The following OPALIN variants were observed in gnomAD, a reference collection of about 807,000 sequenced individuals.
OPALIN encodes the protein transmembrane protein 10.
Under a neutral mutation model 17.8 loss-of-function variants are expected in OPALIN, and 15 were observed. That is an observed-to-expected ratio of 0.84 (90% CI 0.56 to 1.29). OPALIN has a LOEUF of 1.29. Among genes scored for constraint, OPALIN ranks in the 50% most tolerant of loss-of-function variants. The pLI is 0.00. For missense variants in OPALIN, 170 were observed against 176.0 expected (o/e 0.97, Z 0.19); for synonymous variants, 62 against 63.8 (o/e 0.97, Z 0.14).
At chr10:96,355,363 C>T (rs1287889996) in intron 1 of OPALIN, 73 bp from the exon 2 acceptor site, 2 of 1,401,476 alleles carry the variant, frequency 1.4e-6, no homozygotes, top group African/African-American at 1.4e-5. Flanking sequence ...CTCAAACTCA[C>T]TGACCCTGGT....
intron 2 of OPALIN, chr10:96,353,496 A>G: frequency 6.9e-7 from 1 of 1,457,844 alleles, no homozygotes; most frequent in Middle Eastern, 1.7e-4. Context: ...CTAAAAACAG[A>G]CAACACCAGG....
intron 2 of OPALIN, among the ~76,000 whole-genome samples, chr10:96,351,710 A>T (rs946637920): frequency 1.3e-5 from 2 of 152,218 alleles, no homozygotes; most frequent in Admixed American, 6.5e-5. Flanking sequence ...CCTAGTCAGC[A>T]CACCTGGCAC....
chr10:96,350,264 G>A (rs1845524016), intron 3 of OPALIN, among the ~76,000 whole-genome samples: 1 of 152,094 alleles, frequency 6.6e-6, no homozygotes, highest in Admixed American at 6.6e-5. Flanking sequence ...TGCCCAGGCT[G>A]GAGTGCAATG....
Position 96,347,753 on chromosome 10 carries a change from G to A in OPALIN, c.249+536C>T, listed in dbSNP as rs11813381. Among the ~76,000 whole-genome samples the A allele has an allele frequency of 5.5e-3, 838 of 152,286 alleles. 6 individuals carry two copies. Among genetic ancestry groups the A allele is most frequent in the African/African-American group, 0.018 (761 of 41,560 alleles). On this transcript the variant is annotated intron_variant, in intron 5 of 5. Transcript: ENST00000371172. Reference sequence around the variant, plus strand: ...CTCCCAAAATGCTGGGATTACAGGCGTGAGCCACTGCACCGGACCTATACT... The same window carrying A: ...CTCCCAAAATGCTGGGATTACAGGCATGAGCCACTGCACCGGACCTATACT...
intron 1 of OPALIN, 119 bp from the exon 2 acceptor site, chr10:96,355,409 C>A: frequency 3.6e-6 from 3 of 838,084 alleles, no homozygotes; most frequent in Non-Finnish European, 3.9e-6. Flanking sequence ...TAGACTCAGC[C>A]AGCCCCCATC....
rs1030843263 is a variant in OPALIN at position 96,344,166 on chromosome 10, T to C, written c.*1775A>G. The C allele has an allele frequency of 6.6e-6, 1 of 152,230 alleles. No homozygotes were observed. The highest frequency in any genetic ancestry group is 2.4e-5 in the African/African-American group (1 of 41,440). 9.4% of individuals were successfully genotyped at this position (152,230 alleles called of 1,614,324 possible). On this transcript the variant is annotated 3_prime_UTR_variant, in exon 6 of 6. Transcript: ENST00000371172. ...CAAGGACTTGGTTCTTTTCTCCAAGTAGACTTGGTTCTACTCCACAGAGTA... is the reference window on the plus strand; with the variant it reads ...CAAGGACTTGGTTCTTTTCTCCAAGCAGACTTGGTTCTACTCCACAGAGTA...
At chr10:96,347,081 C>T (rs1356801359) in intron 5 of OPALIN, among the ~76,000 whole-genome samples, 1 of 150,714 alleles carries the variant, frequency 6.6e-6, no homozygotes, top group East Asian at 2.0e-4. Context: ...TTTCTTTCTT[C>T]CTTTCTTTCT....
intron 5 of OPALIN, among the ~76,000 whole-genome samples, chr10:96,346,666 C>A (rs2134009778): frequency 6.6e-6 from 1 of 152,138 alleles, no homozygotes; most frequent in East Asian, 1.9e-4. Flanking sequence ...TTTAGAAGAA[C>A]CTCATTAAGT....
intron 4 of OPALIN, 53 bp downstream of exon 4, chr10:96,349,654 C>T: frequency 1.9e-6 from 3 of 1,578,662 alleles, no homozygotes; most frequent in Non-Finnish European, 2.6e-6. Context: ...AGCCAGTTCA[C>T]TGAAATACTG....
chr10:96,354,379 G>A lies in OPALIN; in HGVS notation c.39+876C>T, dbSNP rs574431167. Among the ~76,000 whole-genome samples the A allele has an allele frequency of 9.9e-5, 15 of 152,246 alleles. No homozygotes were observed. The South Asian group carries it at 2.7e-3, about 27-fold the overall frequency. On this transcript the variant is annotated intron_variant, in intron 2 of 5. Coordinates refer to ENST00000371172, the MANE Select transcript of OPALIN (RefSeq NM_033207.5). The stretch of plus-strand genomic sequence containing the variant: ...ATTCCCATTTTAGAATACATACAAG[G>A]AAATTATCTTAAATGCAGATAAGGA...
At position 96,359,001 on chromosome 10, in the gene OPALIN, A is replaced by G; in HGVS notation, c.-105T>C. On this transcript the variant is annotated 5_prime_UTR_variant, in exon 1 of 6. Coordinates refer to ENST00000371172, the MANE Select transcript of OPALIN (RefSeq NM_033207.5). ...TTTCATTTGTAGGAACAGTTAACTG[A>G]CAAAGCTGCAGAGGCAGGCTGAGAG... is the stretch of plus-strand genomic sequence containing the variant. The G allele has an allele frequency of 4.3e-6, 6 of 1,380,328 alleles. No individual in the cohort carries two copies. Among genetic ancestry groups the G allele is most frequent in the Non-Finnish European group, 6.2e-6 (6 of 967,622 alleles). The allele number at this position is 1,380,328 out of a possible 1,614,324, so 85.5% of individuals were successfully genotyped here.
chr10:96,345,999 A>G lies in OPALIN; in HGVS notation c.368T>C (p.Ile123Thr), dbSNP rs1564880618. 6 of 1,614,134 alleles carry G rather than the reference A, an allele frequency of 3.7e-6. No homozygotes were observed. The highest frequency in any genetic ancestry group is 5.1e-6 in the Non-Finnish European group (6 of 1,179,990). ...EPVHDRYRPT[I>T]EMERRRGLWW... ...CAATCCCCTCCTTCTTTCCATTTCT[A>G]TAGTAGGACGGTAACGGTCATGCAC... Residue 123 changes from isoleucine (I) to threonine (T), a missense_variant, in exon 6 of 6, where the codon ATA becomes ACA. Coordinates refer to ENST00000371172, the MANE Select transcript of OPALIN (RefSeq NM_033207.5).
In OPALIN at chr10:96,345,831, A is replaced by T; in HGVS notation, c.*110T>A. 2.8e-6 allele frequency: 3 copies of T among 1,074,320 alleles called. No individual in the cohort carries two copies. The highest frequency in any genetic ancestry group is 4.1e-6 in the Non-Finnish European group (3 of 735,568). 66.5% of individuals were successfully genotyped at this position (1,074,320 alleles called of 1,614,324 possible). ...CCAAAGTGTTCCAGAGCTGTAAATGAAATTTGGATTGATTAAGAAGCAGCT... is the reference window on the plus strand; with the variant it reads ...CCAAAGTGTTCCAGAGCTGTAAATGTAATTTGGATTGATTAAGAAGCAGCT... On this transcript the variant is annotated 3_prime_UTR_variant, in exon 6 of 6. Transcript: ENST00000371172.
At chr10:96,355,848 C>G (rs1016208521) in intron 1 of OPALIN, among the ~76,000 whole-genome samples, 5 of 152,206 alleles carry the variant, frequency 3.3e-5, no homozygotes, top group African/African-American at 4.8e-5. Flanking sequence ...GACAGGGGAA[C>G]AGCAAACCCT....
rs1845621148 is a variant in OPALIN at position 96,352,359 on chromosome 10, G to T, written c.40-949C>A. 1.3e-5 allele frequency among the ~76,000 whole-genome samples: 2 copies of T among 151,878 alleles called. 1 individual carries two copies. The highest frequency in any genetic ancestry group is 2.9e-5 in the Non-Finnish European group (2 of 67,992). On this transcript the variant is annotated intron_variant, in intron 2 of 5. Coordinates refer to ENST00000371172, the MANE Select transcript of OPALIN (RefSeq NM_033207.5). ...CATTTTACAAAAAAAAAATGTAATA[G>T]ATCTCAGAGAAGTTATGGGGCTTGT... is the stretch of plus-strand genomic sequence containing the variant.
intron 2 of OPALIN, among the ~76,000 whole-genome samples, chr10:96,354,817 C>T (rs138786043): frequency 5.3e-5 from 8 of 151,418 alleles, no homozygotes; most frequent in Non-Finnish European, 7.4e-5. Flanking sequence ...TGTAAATGGC[C>T]GGGCACGGTG....
rs986954701 is a variant in OPALIN at position 96,344,241 on chromosome 10, C to T, written c.*1700G>A. On this transcript the variant is annotated 3_prime_UTR_variant, in exon 6 of 6. Coordinates refer to ENST00000371172, the MANE Select transcript of OPALIN (RefSeq NM_033207.5). Reference sequence around the variant, plus strand: ...CTTTTGGAAAAACTCTTGCCTTCCCCGCGGCCCCCCATCTTTACTTTCAAC... The same window carrying T: ...CTTTTGGAAAAACTCTTGCCTTCCCTGCGGCCCCCCATCTTTACTTTCAAC... 1.3e-5 allele frequency: 2 copies of T among 152,522 alleles called. No individual in the cohort carries two copies. Among genetic ancestry groups the T allele is most frequent in the Non-Finnish European group, 1.5e-5 (1 of 68,364 alleles). The allele number at this position is 152,522 out of a possible 1,614,324, so 9.4% of individuals were successfully genotyped here.
chr10:96,350,064 T>C (rs1327498665), intron 3 of OPALIN, among the ~76,000 whole-genome samples: 1 of 152,172 alleles, frequency 6.6e-6, no homozygotes, highest in Non-Finnish European at 1.5e-5. Flanking sequence ...AATGATCAAG[T>C]AGAAAAATGG....
At chr10:96,357,288 G>A in intron 1 of OPALIN, 3 of 312,476 alleles carry the variant, frequency 9.6e-6, no homozygotes, top group Non-Finnish European at 1.4e-5. Flanking sequence ...CATTGCATGT[G>A]TTGTTTATCA....
Sources: allele counts gnomAD v4.1 joint callset (sites outside exome capture counted in the v4.1 genomes callset), GRCh38; gene constraint gnomAD v4.1.1; transcripts MANE v1.5; gene names NCBI Gene and HGNC (gene_info 2026-07-23, HGNC 2026-07-21).